The following IKZF2 variants were observed in gnomAD, a reference collection of about 807,000 sequenced individuals.
IKZF2 encodes zinc finger protein Helios.
In IKZF2, 15 loss-of-function variants were observed where a neutral mutation model predicts 49.2. That is an observed-to-expected ratio of 0.30 (90% CI 0.20 to 0.47). IKZF2 has a LOEUF of 0.47. IKZF2 is among the 20% of genes least tolerant of loss of function. The pLI is 1.00. For synonymous variants in IKZF2, 227 were observed against 221.4 expected (o/e 1.03, Z -0.23); for missense variants, 567 against 664.6 (o/e 0.85, Z 1.61).
intron 4 of IKZF2, among the ~76,000 whole-genome samples, chr2:213,124,517 C>T (rs144073006): frequency 2.6e-5 from 4 of 152,112 alleles, no homozygotes; most frequent in East Asian, 1.9e-4. Context: ...CAAACCATCC[C>T]GTTCCCGGGA....
chr2:213,013,059 G>A (rs80040818), intron 8 of IKZF2, among the ~76,000 whole-genome samples: 4 of 151,734 alleles, frequency 2.6e-5, no homozygotes, highest in African/African-American at 7.3e-5. Context: ...CTAAGGGTTC[G>A]GAAATGAAAA....
rs74479026 is a variant in IKZF2 at position 213,129,826 on chromosome 2, T to C, written c.139+17882A>G. 6.6e-4 allele frequency among the ~76,000 whole-genome samples: 100 copies of C among 152,288 alleles called. No homozygotes were observed. The East Asian group carries it at 0.013, about 19-fold the overall frequency. Reference sequence around the variant, plus strand: ...GTTACAGTAGCGGGCCTGGTGAGAATTGTTTAAATTCAGGATGTATTTTAG... The same window carrying C: ...GTTACAGTAGCGGGCCTGGTGAGAACTGTTTAAATTCAGGATGTATTTTAG... On this transcript the variant is annotated intron_variant, in intron 4 of 8. Transcript: ENST00000434687.
rs532367878 is a variant in IKZF2, at chr2:213,095,300, A to C, written c.140-38201T>G. On this transcript the variant is annotated intron_variant, in intron 4 of 8. Coordinates refer to ENST00000434687, the MANE Select transcript of IKZF2 (RefSeq NM_001387220.1). Reference sequence around the variant, plus strand: ...ATTAGAATGTTATAAAATATACTAAATAAATCATTTTTAAATATCCAAGAT... The same window carrying C: ...ATTAGAATGTTATAAAATATACTAACTAAATCATTTTTAAATATCCAAGAT... Among the ~76,000 whole-genome samples the C allele has an allele frequency of 9.9e-5, 15 of 152,250 alleles. No individual in the cohort carries two copies. The South Asian group carries it at 3.1e-3, about 32-fold the overall frequency.
intron 4 of IKZF2, among the ~76,000 whole-genome samples, chr2:213,102,161 A>G (rs1706754883): frequency 6.6e-6 from 1 of 152,144 alleles, no homozygotes; most frequent in Admixed American, 6.6e-5. Context: ...ATAATTCTGT[A>G]TTTAAACTAG....
In IKZF2 at chr2:213,148,625, T is replaced by G. The variant is rs1375506817; in HGVS notation, c.5A>C (p.Glu2Ala). 1 of 1,612,056 alleles carries G rather than the reference T, an allele frequency of 6.2e-7. No individual in the cohort carries two copies. The highest frequency in any genetic ancestry group is 1.7e-5 in the Admixed American group (1 of 59,976). M[E>A]TEAIDGYITC... is the part of the protein sequence containing the mutation. ...TATATAGCCATCAATAGCCTCTGTT[T>G]CCATAGTCAAAGTGCAATGCTGCAA... is the stretch of plus-strand genomic sequence containing the variant. The change falls in exon 3 of 9, where the codon GAA becomes GCA. Residue 2 changes from glutamate to alanine, a missense_variant. Glu to Ala is a moderately radical substitution (Grantham distance 107). This residue lies in a region of IKZF2 where 156 missense variants were observed against 138.5 expected (regional missense o/e 1.13). Coordinates refer to ENST00000434687, the MANE Select transcript of IKZF2 (RefSeq NM_001387220.1).
chr2:213,061,852 C>T (rs1701728172), intron 4 of IKZF2, among the ~76,000 whole-genome samples: 1 of 151,494 alleles, frequency 6.6e-6, no homozygotes, highest in Non-Finnish European at 1.5e-5. Flanking sequence ...ATTTTACAAA[C>T]ATATGTAATT....
intron 4 of IKZF2, among the ~76,000 whole-genome samples, chr2:213,074,821 T>A (rs1368197478): frequency 6.6e-6 from 1 of 152,186 alleles, no homozygotes; most frequent in Admixed American, 6.5e-5. Flanking sequence ...TATAAAAATT[T>A]GATTCATCAA....
chr2:213,094,776 A>G (rs1178052187), intron 4 of IKZF2, among the ~76,000 whole-genome samples: 1 of 152,176 alleles, frequency 6.6e-6, no homozygotes, highest in Non-Finnish European at 1.5e-5. Flanking sequence ...GAAAGGCTAG[A>G]TAAGATGTGG....
chr2:213,148,290 A>G (rs75891569), intron 3 of IKZF2, among the ~76,000 whole-genome samples: 1 of 152,346 alleles, frequency 6.6e-6, no homozygotes, highest in East Asian at 1.9e-4. Context: ...CACCATATTA[A>G]TAGACATATA....
At chr2:213,038,740 GAGTA>G (rs1699310622) in intron 6 of IKZF2, among the ~76,000 whole-genome samples, 1 of 152,166 alleles carries the variant, frequency 6.6e-6, no homozygotes, top group African/African-American at 2.4e-5. Context: ...TTATAAAAGA[GAGTA>G]AGTGATGACA....
chr2:213,127,992 G>A (rs2125876829), intron 4 of IKZF2, among the ~76,000 whole-genome samples: 1 of 151,672 alleles, frequency 6.6e-6, no homozygotes, highest in East Asian at 1.9e-4. Flanking sequence ...AATAGAAAAA[G>A]CTAAATAAAG....
At chr2:213,083,674 T>A (rs1229980121) in intron 4 of IKZF2, among the ~76,000 whole-genome samples, 1 of 150,818 alleles carries the variant, frequency 6.6e-6, no homozygotes, top group African/African-American at 2.5e-5. Flanking sequence ...AGTACTAGGA[T>A]TACAAGTGTG....
chr2:213,149,340 G>C (rs769987078), intron 2 of IKZF2, among the ~76,000 whole-genome samples: 1 of 149,008 alleles, frequency 6.7e-6, no homozygotes, highest in Non-Finnish European at 1.5e-5. Context: ...TTGTGCTAGA[G>C]AGAATCATTT....
intron 4 of IKZF2, among the ~76,000 whole-genome samples, chr2:213,088,064 C>T (rs536093316): frequency 9.4e-4 from 143 of 152,296 alleles, no homozygotes; most frequent in Non-Finnish European, 1.6e-3. Context: ...AGTTCTAGAT[C>T]CCTGAGGAAT....
rs1383650623 is a variant in IKZF2 at position 213,105,464 on chromosome 2, G to T, written c.139+42244C>A. On this transcript the variant is annotated intron_variant, in intron 4 of 8. Transcript: ENST00000434687. The stretch of plus-strand genomic sequence containing the variant: ...TGCAGGAATGATGTTCTCATTCCTG[G>T]ACTGGTTTTCTCTTACCTTTGTCTA... Among the ~76,000 whole-genome samples the T allele has an allele frequency of 2.6e-5, 4 of 151,032 alleles. No homozygotes were observed. In the East Asian group the frequency reaches 7.8e-4, roughly 30 times the overall value.
At chr2:213,073,566 A>G (rs1388609178) in intron 4 of IKZF2, among the ~76,000 whole-genome samples, 1 of 152,232 alleles carries the variant, frequency 6.6e-6, no homozygotes, top group African/African-American at 2.4e-5. Flanking sequence ...AGGTAACACT[A>G]CAAGAAAAAC....
At chr2:213,033,363 T>C (rs1698675419) in intron 6 of IKZF2, among the ~76,000 whole-genome samples, 1 of 152,258 alleles carries the variant, frequency 6.6e-6, no homozygotes, top group Non-Finnish European at 1.5e-5. Flanking sequence ...ATGTTCTCAA[T>C]GACATCTAGA....
chr2:213,102,658 A>T (rs1336899155), intron 4 of IKZF2, among the ~76,000 whole-genome samples: 1 of 151,276 alleles, frequency 6.6e-6, no homozygotes, highest in Non-Finnish European at 1.5e-5. Flanking sequence ...AATAAGACCA[A>T]ATATAACATT....
chr2:213,144,051 A>C (rs1469284185), intron 4 of IKZF2, among the ~76,000 whole-genome samples: 1 of 151,976 alleles, frequency 6.6e-6, no homozygotes, highest in Admixed American at 6.6e-5. Flanking sequence ...TGAAAAATAG[A>C]AATCATAATA....
Sources: allele counts gnomAD v4.1 joint callset (sites outside exome capture counted in the v4.1 genomes callset), GRCh38; gene constraint gnomAD v4.1.1; regional missense constraint gnomAD v4.1.1; transcripts MANE v1.5; gene names NCBI Gene and HGNC (gene_info 2026-07-23, HGNC 2026-07-21).